The following LPP variants were observed in gnomAD, a reference collection of about 807,000 sequenced individuals.
The protein encoded by LPP is lipoma-preferred partner.
A neutral mutation model predicts 60.4 loss-of-function variants in LPP; 38 were observed. The ratio of observed to expected loss-of-function variants is 0.63; its 90% CI spans 0.49 to 0.83. The LOEUF is 0.83. LPP is among the 40% of genes least tolerant of loss of function. LPP has a pLI of 0.00. For synonymous variants in LPP, 328 were observed against 290.8 expected, an observed-to-expected ratio of 1.13 and a Z score of -1.30; for missense variants, 902 against 783.6, an observed-to-expected ratio of 1.15 and a Z score of -1.80.
intron 3 of LPP, among the ~76,000 whole-genome samples, chr3:188,365,045 C>T (rs1010330441): frequency 6.6e-6 from 1 of 151,538 alleles, no homozygotes; most frequent in African/African-American, 2.4e-5. Flanking sequence ...AAACAGAGGG[C>T]TAATAAAGGG....
intron 7 of LPP, among the ~76,000 whole-genome samples, chr3:188,699,900 A>G (rs2149572662): frequency 6.6e-6 from 1 of 152,328 alleles, no homozygotes; most frequent in Non-Finnish European, 1.5e-5. Flanking sequence ...AGAAGCAGCC[A>G]CAGGAAATTG....
intron 7 of LPP, among the ~76,000 whole-genome samples, chr3:188,624,411 C>G (rs574090597): frequency 2.0e-5 from 3 of 152,290 alleles, no homozygotes; most frequent in African/African-American, 7.2e-5. Context: ...AAAACAAACA[C>G]GGCTTGAGAG....
At position 188,693,792 on chromosome 3, in the gene LPP, G is replaced by A. The variant is rs1183222898; in HGVS notation, c.1114-14475G>A. ...GAATGCTGCATAAATGTAGATTAGG[G>A]CTCCCAAAATTTTTGCCAAGAATGA... On this transcript the variant is annotated intron_variant, in intron 7 of 11. Coordinates refer to ENST00000617246, the MANE Select transcript of LPP (RefSeq NM_001375462.1). 7.9e-5 allele frequency among the ~76,000 whole-genome samples: 12 copies of A among 152,028 alleles called. 1 individual carries two copies. Among genetic ancestry groups the A allele is most frequent in the Admixed American group, 7.2e-4 (11 of 15,266 alleles).
chr3:188,186,800 A>G (rs1486136221), intron 1 of LPP, among the ~76,000 whole-genome samples: 1 of 147,278 alleles, frequency 6.8e-6, no homozygotes, highest in Admixed American at 7.1e-5. Flanking sequence ...CTTCTGTCTC[A>G]TGCTTGAGTT....
chr3:188,687,360 T>C (rs986345354), intron 7 of LPP, among the ~76,000 whole-genome samples: 7 of 152,212 alleles, frequency 4.6e-5, no homozygotes, highest in African/African-American at 1.7e-4. Flanking sequence ...GCTTTGTCCC[T>C]ACCCAAACCT....
At chr3:188,824,034 A>T (rs1337031978) in intron 9 of LPP, among the ~76,000 whole-genome samples, 1 of 152,196 alleles carries the variant, frequency 6.6e-6, no homozygotes, top group African/African-American at 2.4e-5. Flanking sequence ...TTTGTCTCAT[A>T]CTTTCATCTC....
At chr3:188,229,747 T>C (rs908415665) in intron 2 of LPP, among the ~76,000 whole-genome samples, 6 of 152,222 alleles carry the variant, frequency 3.9e-5, no homozygotes, top group Non-Finnish European at 7.3e-5. Flanking sequence ...TAATTCCACA[T>C]TCTCCTATTT....
intron 9 of LPP, among the ~76,000 whole-genome samples, chr3:188,847,358 T>C (rs1761692325): frequency 6.6e-6 from 1 of 152,144 alleles, no homozygotes; most frequent in African/African-American, 2.4e-5. Context: ...GATTTGCTGA[T>C]TGTTTAGATG....
At chr3:188,374,691 C>T (rs1321371268) in intron 3 of LPP, among the ~76,000 whole-genome samples, 1 of 152,062 alleles carries the variant, frequency 6.6e-6, no homozygotes, top group Non-Finnish European at 1.5e-5. Context: ...AATTTAATAC[C>T]CTTTATTTCC....
Position 188,476,249 on chromosome 3 carries a change from A to G in LPP, c.194-8343A>G, listed in dbSNP as rs1579195241. 3.4e-5 allele frequency among the ~76,000 whole-genome samples: 5 copies of G among 146,762 alleles called. No individual in the cohort carries two copies. The Middle Eastern group carries it at 0.011, about 336-fold the overall frequency. On this transcript the variant is annotated intron_variant, in intron 4 of 11. Coordinates refer to ENST00000617246, the MANE Select transcript of LPP (RefSeq NM_001375462.1). ...TTTGTTTTTCCCTGGGGTCTAGAGT[A>G]ATGTATGATATATAGATGGCACTCG...
chr3:188,841,809 G>T (rs1053312495), intron 9 of LPP, among the ~76,000 whole-genome samples: 33 of 152,102 alleles, frequency 2.2e-4, no homozygotes, highest in Admixed American at 6.5e-5. Context: ...TGTAGCAATT[G>T]TGAATGAGAG....
chr3:188,336,853 C>T (rs1292699650), intron 2 of LPP, among the ~76,000 whole-genome samples: 1 of 152,150 alleles, frequency 6.6e-6, no homozygotes, highest in Non-Finnish European at 1.5e-5. Context: ...TTTACAGCTG[C>T]TCAGCTGAGC....
chr3:188,789,109 A>T (rs545636287), intron 9 of LPP, among the ~76,000 whole-genome samples: 1 of 145,492 alleles, frequency 6.9e-6, no homozygotes, highest in Admixed American at 7.0e-5. Context: ...TTTTTTTTTT[A>T]GCAACAATGT....
intron 3 of LPP, among the ~76,000 whole-genome samples, chr3:188,402,157 C>A (rs1045221740): frequency 6.6e-6 from 1 of 152,056 alleles, no homozygotes; most frequent in South Asian, 2.1e-4. Flanking sequence ...CTTTAAAAAA[C>A]CAGATAATTC....
chr3:188,492,304 C>T (rs149616989), intron 5 of LPP, among the ~76,000 whole-genome samples: 170 of 152,236 alleles, frequency 1.1e-3, no homozygotes, highest in African/African-American at 3.9e-3. Context: ...TTGTCTCTCC[C>T]ATCAAGAGTC....
chr3:188,282,629 C>G (rs554508068), intron 2 of LPP, among the ~76,000 whole-genome samples: 1 of 152,276 alleles, frequency 6.6e-6, no homozygotes, highest in African/African-American at 2.4e-5. Flanking sequence ...TTTCAGGCAA[C>G]CTTTCTGCCT....
At chr3:188,676,152 T>C (rs73888875) in intron 7 of LPP, among the ~76,000 whole-genome samples, 5,485 of 152,278 alleles carry the variant, frequency 0.036, 313 homozygotes, top group African/African-American at 0.12. Flanking sequence ...GTCACCACCG[T>C]ATTCTGGTGG....
At chr3:188,514,238 T>C (rs1447344615) in intron 5 of LPP, among the ~76,000 whole-genome samples, 7 of 151,972 alleles carry the variant, frequency 4.6e-5, no homozygotes, top group Non-Finnish European at 1.0e-4. Context: ...TTGTTTTTTT[T>C]CCCTCTCTCC....
intron 3 of LPP, among the ~76,000 whole-genome samples, chr3:188,395,942 T>C (rs79221560): frequency 8.2e-6 from 1 of 121,362 alleles, no homozygotes; most frequent in South Asian, 2.8e-4. Flanking sequence ...ATAATAATAA[T>C]AAAAATAAAC....
Sources: allele counts gnomAD v4.1 joint callset (sites outside exome capture counted in the v4.1 genomes callset), GRCh38; gene constraint gnomAD v4.1.1; transcripts MANE v1.5; gene names NCBI Gene and HGNC (gene_info 2026-07-23, HGNC 2026-07-21).